PLPP1: variants seen among roughly 807,000 people sequenced by gnomAD.
PLPP1 encodes phospholipid phosphatase 1, also known as lipid phosphate phosphohydrolase 1a.
In PLPP1, 24 loss-of-function variants were observed where a neutral mutation model predicts 31.2. The ratio of observed to expected loss-of-function variants is 0.77; its 90% CI spans 0.56 to 1.08. PLPP1 has a LOEUF of 1.08. Ranked by LOEUF, PLPP1 falls within the 50% of genes least tolerant of loss-of-function variation. The pLI is 0.00. For missense variants in PLPP1, 319 were observed against 342.7 expected (o/e 0.93, Z 0.55); for synonymous variants, 146 against 126.3 (o/e 1.16, Z -1.05).
chr5:55,446,280 T>C (rs1473158388), intron 3 of PLPP1, among the ~76,000 whole-genome samples: 1 of 152,226 alleles, frequency 6.6e-6, no homozygotes, highest in Admixed American at 6.5e-5. Context: ...CTATTTTTCA[T>C]CTAGGTCTCT....
rs772281921 is a variant in PLPP1, at chr5:55,475,414, G to T, written c.95C>A (p.Thr32Asn). Residue 32 changes from threonine to asparagine, a missense_variant, in exon 2 of 6, where the codon ACC becomes AAC. By Grantham distance (65) the Thr-to-Asn change is moderately conservative. Transcript: ENST00000307259. ...ACAGAATACTCCTCGTTGGAAGGGG[G>T]TATGCCTTGAAGTAAGAATTGCAAA... ...LPFAILTSRH[T>N]PFQRGVFCND... is the part of the protein sequence containing the mutation. The T allele has an allele frequency of 3.7e-6, 6 of 1,610,596 alleles. No homozygotes were observed. The South Asian group carries it at 5.6e-5, about 15-fold the overall frequency.
chr5:55,435,691 G>A (rs1467001518), intron 4 of PLPP1, among the ~76,000 whole-genome samples: 1 of 152,102 alleles, frequency 6.6e-6, no homozygotes, highest in African/African-American at 2.4e-5. Context: ...TTTAAATGAA[G>A]ATTAATAGGA....
At chr5:55,532,685 G>A (rs931297066) in intron 1 of PLPP1, among the ~76,000 whole-genome samples, 1 of 152,174 alleles carries the variant, frequency 6.6e-6, no homozygotes, top group African/African-American at 2.4e-5. Context: ...TCAGTTGGGC[G>A]CGGTGGTTGA....
intron 2 of PLPP1, among the ~76,000 whole-genome samples, chr5:55,470,953 A>C (rs1752400605): frequency 6.6e-6 from 1 of 152,196 alleles, no homozygotes; most frequent in Non-Finnish European, 1.5e-5. Context: ...AACCTTTTTA[A>C]GCCTATCTCC....
intron 3 of PLPP1, among the ~76,000 whole-genome samples, chr5:55,466,702 C>T (rs1403099377): frequency 1.4e-5 from 2 of 144,950 alleles, no homozygotes; most frequent in Non-Finnish European, 3.0e-5. Flanking sequence ...GACTCCATCT[C>T]AAAAAAAAGA....
chr5:55,514,160 C>T (rs573650950), intron 1 of PLPP1, among the ~76,000 whole-genome samples: 1 of 152,306 alleles, frequency 6.6e-6, no homozygotes, highest in East Asian at 1.9e-4. Flanking sequence ...AGGCAGATTG[C>T]TTGAGCCCAG....
intron 4 of PLPP1, among the ~76,000 whole-genome samples, chr5:55,435,821 C>T (rs972343694): frequency 9.9e-5 from 15 of 152,076 alleles, no homozygotes; most frequent in South Asian, 4.1e-4. Flanking sequence ...GCAACCCCGA[C>T]GCCTCAGAAG....
At chr5:55,491,239 T>A in intron 1 of PLPP1, 2 of 948,380 alleles carry the variant, frequency 2.1e-6, no homozygotes, top group Non-Finnish European at 3.1e-6. Flanking sequence ...GGATCTCCAT[T>A]ATACCCAAGG....
At chr5:55,528,148 C>T (rs1015351127) in intron 1 of PLPP1, among the ~76,000 whole-genome samples, 4 of 152,132 alleles carry the variant, frequency 2.6e-5, no homozygotes, top group African/African-American at 9.7e-5. Context: ...TATTGTGGGA[C>T]TGCCCGCAAA....
At position 55,453,132 on chromosome 5, in the gene PLPP1, C is replaced by T. The variant is rs58964874; in HGVS notation, c.492-11224G>A. ...ACTTTTCAAATTTAAATGTCATAAA[C>T]AATTTCACCTTCTCTCCCACCCACA... On this transcript the variant is annotated intron_variant, in intron 3 of 5. Coordinates refer to ENST00000307259, the MANE Select transcript of PLPP1 (RefSeq NM_003711.4). Among the ~76,000 whole-genome samples, 699 of 152,242 alleles carry T rather than the reference C, an allele frequency of 4.6e-3. 5 individuals are homozygous for T. Among genetic ancestry groups the T allele is most frequent in the African/African-American group, 0.016 (665 of 41,552 alleles).
intron 1 of PLPP1, chr5:55,490,930 C>G: frequency 6.3e-7 from 1 of 1,587,704 alleles, no homozygotes; most frequent in Non-Finnish European, 8.6e-7. Flanking sequence ...CACAACAAAC[C>G]CATCACTACC....
At chr5:55,504,875 A>T (rs1008833199) in intron 1 of PLPP1, among the ~76,000 whole-genome samples, 3 of 151,010 alleles carry the variant, frequency 2.0e-5, no homozygotes, top group Admixed American at 2.0e-4. Flanking sequence ...CAGTGACACC[A>T]ACATGGCTCA....
chr5:55,479,401 C>T (rs1315575227), intron 1 of PLPP1, among the ~76,000 whole-genome samples: 10 of 152,226 alleles, frequency 6.6e-5, no homozygotes, highest in Admixed American at 6.5e-4. Flanking sequence ...ATACAGACCC[C>T]TGGAAGGGGA....
chr5:55,499,135 T>G (rs1753065090), intron 1 of PLPP1, among the ~76,000 whole-genome samples: 1 of 152,202 alleles, frequency 6.6e-6, no homozygotes, highest in Admixed American at 6.5e-5. Flanking sequence ...AAAATAGGAC[T>G]TTACAAATAA....
At chr5:55,523,266 T>C (rs2111941939) in intron 1 of PLPP1, among the ~76,000 whole-genome samples, 1 of 152,298 alleles carries the variant, frequency 6.6e-6, no homozygotes, top group African/African-American at 2.4e-5. Flanking sequence ...TATTTTTAAA[T>C]GTACAATTAA....
At chr5:55,515,757 C>T (rs1753542757) in intron 1 of PLPP1, among the ~76,000 whole-genome samples, 1 of 152,060 alleles carries the variant, frequency 6.6e-6, no homozygotes, top group Non-Finnish European at 1.5e-5. Flanking sequence ...TTCCCTCCAA[C>T]CAATCTGAAA....
intron 1 of PLPP1, among the ~76,000 whole-genome samples, chr5:55,528,411 T>C (rs1740545281): frequency 6.6e-6 from 1 of 152,256 alleles, no homozygotes; most frequent in African/African-American, 2.4e-5. Flanking sequence ...CACTTGTTTA[T>C]TTCTTCATCA....
At chr5:55,491,687 G>T (rs905893714) in intron 1 of PLPP1, among the ~76,000 whole-genome samples, 1 of 151,652 alleles carries the variant, frequency 6.6e-6, no homozygotes, top group African/African-American at 2.4e-5. Flanking sequence ...ATGAAACCCC[G>T]TCTCTACTAA....
chr5:55,454,798 A>G (rs987050059), intron 3 of PLPP1, among the ~76,000 whole-genome samples: 1 of 152,244 alleles, frequency 6.6e-6, no homozygotes, highest in Non-Finnish European at 1.5e-5. Flanking sequence ...TTACTGACAT[A>G]CATATGCATG....
Sources: gnomAD v4.1 joint callset for allele counts (sites outside exome capture counted in the v4.1 genomes callset) on GRCh38, gnomAD v4.1.1 for gene constraint, MANE v1.5 for transcripts, NCBI Gene and HGNC (gene_info 2026-07-23, HGNC 2026-07-21) for gene names.